The following KLF12 variants were observed in gnomAD, a reference collection of about 807,000 sequenced individuals.
KLF12 encodes the protein KLF transcription factor 12.
KLF12 carries 9 observed loss-of-function variants against 37.8 expected under a neutral mutation model. That is an observed-to-expected ratio of 0.24 (90% confidence interval 0.14 to 0.42). The LOEUF (loss-of-function observed/expected upper bound fraction) is 0.42, where lower values mean the gene tolerates loss of function less well. Ranked by LOEUF, KLF12 falls within the 10% of genes least tolerant of loss-of-function variation. KLF12 has a pLI of 1.00. For missense variants in KLF12, 411 were observed against 516.0 expected, an observed-to-expected ratio of 0.80 and a Z score of 1.97; for synonymous variants, 208 against 202.1, an observed-to-expected ratio of 1.03 and a Z score of -0.25.
rs1312129496 is a variant in KLF12 at position 74,072,383 on chromosome 13, A to G, written c.-32+61356T>C. ...AATACAAATATATATATATATATAT[A>G]TATATATATATATATATATATATAA... On this transcript the variant is annotated intron_variant, in intron 1 of 7. Coordinates refer to ENST00000377669, the MANE Select transcript of KLF12 (RefSeq NM_007249.5). 2.5e-5 allele frequency among the ~76,000 whole-genome samples: 3 copies of G among 121,082 alleles called. No homozygotes were observed. In the East Asian group the frequency reaches 8.0e-4, roughly 32 times the overall value. The allele number at this position is 121,082 out of a possible 152,430, so 79.4% of individuals were successfully genotyped here. A position where few individuals can be genotyped will look rare whatever the true frequency, so the allele number is the denominator to read the frequency against.
intron 6 of KLF12, among the ~76,000 whole-genome samples, chr13:73,739,437 C>T (rs1877790865): frequency 6.6e-6 from 1 of 151,898 alleles, no homozygotes; most frequent in African/African-American, 2.4e-5. Flanking sequence ...TGTTGTTTAC[C>T]TCAAGGGAAA....
chr13:73,789,918 C>T (rs796732166), intron 5 of KLF12, among the ~76,000 whole-genome samples: 38 of 152,180 alleles, frequency 2.5e-4, no homozygotes, highest in East Asian at 3.9e-4. Flanking sequence ...CCTTGTGATC[C>T]GCCCACCTCG....
chr13:73,906,023 T>C (rs1407179078), intron 3 of KLF12, among the ~76,000 whole-genome samples: 2 of 152,190 alleles, frequency 1.3e-5, no homozygotes, highest in East Asian at 1.9e-4. Context: ...TGGTTTAATA[T>C]GTGTATTGAT....
At chr13:73,715,704 G>C (rs1875752672) in intron 6 of KLF12, among the ~76,000 whole-genome samples, 179 bp from the exon 7 acceptor site, 1 of 152,140 alleles carries the variant, frequency 6.6e-6, no homozygotes, top group African/African-American at 2.4e-5. Flanking sequence ...AAGGCAGGCA[G>C]CATGAGTTAT....
At chr13:73,760,081 G>A (rs1355827633) in intron 6 of KLF12, among the ~76,000 whole-genome samples, 4 of 151,996 alleles carry the variant, frequency 2.6e-5, no homozygotes, top group Admixed American at 2.6e-4. Flanking sequence ...GGCTCTTCCT[G>A]CCCTCCACAA....
chr13:73,735,027 C>T (rs1301528986), intron 6 of KLF12, among the ~76,000 whole-genome samples: 1 of 151,458 alleles, frequency 6.6e-6, no homozygotes, highest in African/African-American at 2.4e-5. Context: ...GTGACTTACA[C>T]CTGTAATCTC....
intron 5 of KLF12, among the ~76,000 whole-genome samples, chr13:73,811,453 T>C (rs1033359201): frequency 1.3e-5 from 2 of 152,194 alleles, no homozygotes; most frequent in Non-Finnish European, 2.9e-5. Context: ...TAATGACTCT[T>C]GCTGTATTTA....
At chr13:74,137,487 G>A (rs1049193845), upstream of KLF12, among the ~76,000 whole-genome samples, 1 of 152,056 alleles carries the variant, frequency 6.6e-6, no homozygotes, top group African/African-American at 2.4e-5. Flanking sequence ...GATAAAGTTG[G>A]GTATTCTTAA....
chr13:74,039,351 C>A (rs1893342697), intron 1 of KLF12, among the ~76,000 whole-genome samples: 1 of 151,960 alleles, frequency 6.6e-6, no homozygotes. Context: ...GCCTGGGCAA[C>A]ACAGCAAGAC....
chr13:73,972,080 C>G (rs2138111314), intron 2 of KLF12, among the ~76,000 whole-genome samples: 1 of 152,196 alleles, frequency 6.6e-6, no homozygotes, highest in East Asian at 1.9e-4. Flanking sequence ...CAACCTGTAA[C>G]AAATGCTAAA....
intron 1 of KLF12, among the ~76,000 whole-genome samples, chr13:74,023,163 G>A (rs950872953): frequency 6.6e-6 from 1 of 152,154 alleles, no homozygotes; most frequent in African/African-American, 2.4e-5. Context: ...GAACCTCTGG[G>A]GATGGGATCC....
the KLF12 span, among the ~76,000 whole-genome samples, chr13:74,273,498 T>C: frequency 6.6e-6 from 1 of 152,046 alleles, no homozygotes; most frequent in East Asian, 1.9e-4. Flanking sequence ...ATTTGTGAAG[T>C]TTTCCCTTTA....
the KLF12 span, among the ~76,000 whole-genome samples, chr13:74,280,275 C>A: frequency 2.0e-5 from 3 of 152,268 alleles, no homozygotes; most frequent in African/African-American, 4.8e-5. Context: ...AGCATGACTG[C>A]AACCTGATAT....
the KLF12 span, among the ~76,000 whole-genome samples, chr13:74,255,856 TAAA>T: frequency 6.6e-6 from 1 of 152,110 alleles, no homozygotes; most frequent in Non-Finnish European, 1.5e-5. Flanking sequence ...TCTACTACCT[TAAA>T]GAAGTCAGGA....
At chr13:74,269,495 C>T in the KLF12 span, among the ~76,000 whole-genome samples, 5 of 152,058 alleles carry the variant, frequency 3.3e-5, no homozygotes, top group Non-Finnish European at 7.4e-5. Context: ...AGAGCCAAGA[C>T]ATGTATTTAG....
the KLF12 span, among the ~76,000 whole-genome samples, chr13:74,210,150 TA>T: frequency 6.6e-6 from 1 of 152,314 alleles, no homozygotes; most frequent in East Asian, 1.9e-4. Context: ...GGTGCTTCGT[TA>T]ATAGCAAATG....
rs549659044 is a variant in KLF12, at chr13:73,778,521, C to T, written c.807-13521G>A. Among the ~76,000 whole-genome samples the T allele has an allele frequency of 2.0e-4, 31 of 152,146 alleles. No individual in the cohort carries two copies. The South Asian group carries it at 4.0e-3, about 19-fold the overall frequency. On this transcript the variant is annotated intron_variant, in intron 5 of 7. Transcript: ENST00000377669. ...ACTACAAGCGCCTGCCACCACGCCC[C>T]GTTAGTTATTTTATTTTTTGTAGAG...
the KLF12 span, among the ~76,000 whole-genome samples, chr13:74,292,309 T>C: frequency 6.6e-6 from 1 of 152,202 alleles, no homozygotes; most frequent in South Asian, 2.1e-4. Context: ...TCATTATAAT[T>C]AATCTATCTA....
intron 2 of KLF12, among the ~76,000 whole-genome samples, chr13:73,972,235 A>C (rs550027179): frequency 2.0e-5 from 3 of 152,308 alleles, no homozygotes; most frequent in South Asian, 4.1e-4. Context: ...TTGATTCAGC[A>C]GAATAAAGAA....
Sources: gnomAD v4.1 joint callset for allele counts (sites outside exome capture counted in the v4.1 genomes callset) on GRCh38, gnomAD v4.1.1 for gene constraint, MANE v1.5 for transcripts, NCBI Gene and HGNC (gene_info 2026-07-23, HGNC 2026-07-21) for gene names.